The following GLIS3 variants were observed in gnomAD, a reference collection of about 807,000 sequenced individuals.
GLIS3 encodes GLIS family zinc finger 3, also known as zinc finger protein GLIS3.
A neutral mutation model predicts 78.6 loss-of-function variants in GLIS3; 53 were observed. The observed-to-expected ratio is 0.67, with a 90% CI of 0.54 to 0.85. GLIS3 has a LOEUF of 0.85. Ranked by LOEUF, GLIS3 falls within the 40% of genes least tolerant of loss-of-function variation. The probability of loss-of-function intolerance (pLI) is 0.00; values close to 1 mark genes in which losing one functional copy is unlikely to be tolerated. For missense variants in GLIS3, 1,703 were observed against 1,231.1 expected (o/e 1.38, Z -5.74); for synonymous variants, 684 against 509.9 (o/e 1.34, Z -4.60).
chr9:4,038,083 T>C (rs544232961), intron 4 of GLIS3, among the ~76,000 whole-genome samples: 82 of 152,334 alleles, frequency 5.4e-4, no homozygotes, highest in Non-Finnish European at 1.0e-3. Flanking sequence ...ATCTTTCCCC[T>C]CTTCCTGTTC....
chr9:4,223,647 G>A (rs1001796799), intron 2 of GLIS3, among the ~76,000 whole-genome samples: 6 of 152,210 alleles, frequency 3.9e-5, no homozygotes, highest in African/African-American at 9.7e-5. Context: ...TCCCATGAAT[G>A]TGAGCAAACA....
the GLIS3 span, among the ~76,000 whole-genome samples, chr9:4,448,700 G>A: frequency 6.6e-6 from 1 of 152,208 alleles, no homozygotes; most frequent in African/African-American, 2.4e-5. Flanking sequence ...GAAATTCTAA[G>A]AGCCTGTGTG....
At chr9:3,894,719 ATTTT>A (rs3061590) in intron 7 of GLIS3, among the ~76,000 whole-genome samples, 119 of 151,370 alleles carry the variant, frequency 7.9e-4, no homozygotes, top group South Asian at 3.5e-3. Context: ...CAAAACATCT[ATTTT>A]TTTTTTTTTC....
intron 2 of GLIS3, among the ~76,000 whole-genome samples, chr9:4,265,213 C>T (rs945761535): frequency 6.6e-6 from 1 of 151,214 alleles, no homozygotes; most frequent in African/African-American, 2.4e-5. Flanking sequence ...TTTGCCTTCA[C>T]AAGGTCTACA....
intron 2 of GLIS3, among the ~76,000 whole-genome samples, chr9:4,271,606 T>C (rs920694746): frequency 1.3e-5 from 2 of 152,222 alleles, no homozygotes; most frequent in African/African-American, 2.4e-5. Context: ...AATATCTGGC[T>C]GTACACCCTC....
chr9:3,840,196 G>C (rs1818628564), intron 9 of GLIS3, among the ~76,000 whole-genome samples: 1 of 152,298 alleles, frequency 6.6e-6, no homozygotes. Context: ...CATGAAATAA[G>C]CTTAGAAATA....
At chr9:3,927,046 C>G (rs1017779629) in intron 6 of GLIS3, among the ~76,000 whole-genome samples, 19 of 152,170 alleles carry the variant, frequency 1.2e-4, no homozygotes, top group Non-Finnish European at 1.5e-4. Flanking sequence ...TATCAGTTCC[C>G]TTATTGTTTC....
intron 4 of GLIS3, among the ~76,000 whole-genome samples, chr9:4,308,377 G>A (rs547401834): frequency 6.6e-6 from 1 of 152,194 alleles, no homozygotes; most frequent in South Asian, 2.1e-4. Context: ...AATGAAGGAG[G>A]AAGACAGGGT....
chr9:4,458,553 G>T, the GLIS3 span, among the ~76,000 whole-genome samples: 1 of 152,166 alleles, frequency 6.6e-6, no homozygotes, highest in African/African-American at 2.4e-5. Context: ...ACTTTGAGAG[G>T]CCAAGGCAGG....
intron 2 of GLIS3, among the ~76,000 whole-genome samples, chr9:4,264,303 A>G (rs191003168): frequency 6.6e-6 from 1 of 152,070 alleles, no homozygotes; most frequent in African/African-American, 2.4e-5. Context: ...ATCTAAACCC[A>G]CCACCACCAC....
chr9:3,924,565 C>A (rs477880), intron 6 of GLIS3, among the ~76,000 whole-genome samples: 98,606 of 152,102 alleles, frequency 0.65, 32,594 homozygotes, highest in East Asian at 0.91. Context: ...TGTGTGAAGT[C>A]ACCCTGAAAA....
At chr9:4,242,172 C>A (rs1395018546) in intron 2 of GLIS3, among the ~76,000 whole-genome samples, 5 of 152,082 alleles carry the variant, frequency 3.3e-5, no homozygotes, top group African/African-American at 4.8e-5. Context: ...CCTGATCCAA[C>A]CTGGACCCCA....
intron 2 of GLIS3, among the ~76,000 whole-genome samples, chr9:4,329,232 C>T (rs1183404913): frequency 6.6e-6 from 1 of 152,038 alleles, no homozygotes; most frequent in Non-Finnish European, 1.5e-5. Context: ...GAGTCCACGA[C>T]CCCCAGGCCT....
At chr9:3,861,263 T>G (rs1177743525) in intron 8 of GLIS3, among the ~76,000 whole-genome samples, 1 of 152,158 alleles carries the variant, frequency 6.6e-6, no homozygotes, top group East Asian at 1.9e-4. Flanking sequence ...TATTCAGATA[T>G]AAACACTAAG....
At chr9:4,165,482 G>C (rs1444258532) in intron 2 of GLIS3, among the ~76,000 whole-genome samples, 1 of 152,194 alleles carries the variant, frequency 6.6e-6, no homozygotes, top group South Asian at 2.1e-4. Flanking sequence ...CTTTTCCATG[G>C]GGGGAAAAAG....
intron 4 of GLIS3, among the ~76,000 whole-genome samples, chr9:4,038,056 T>C (rs1474458884): frequency 6.6e-6 from 1 of 152,182 alleles, no homozygotes; most frequent in East Asian, 1.9e-4. Flanking sequence ...AGTGGAACTT[T>C]AATGAGGGAG....
the GLIS3 span, among the ~76,000 whole-genome samples, chr9:4,358,248 G>A: frequency 1.3e-5 from 2 of 152,072 alleles, no homozygotes; most frequent in Non-Finnish European, 2.9e-5. Context: ...GAGTAACAAG[G>A]AATTCTGCTT....
intron 4 of GLIS3, among the ~76,000 whole-genome samples, chr9:4,085,460 C>T (rs1278295734): frequency 6.6e-6 from 1 of 152,126 alleles, no homozygotes; most frequent in East Asian, 1.9e-4. Context: ...CCACTGCCAC[C>T]CTCTCATTTT....
At chr9:4,447,138 C>G in the GLIS3 span, among the ~76,000 whole-genome samples, 1 of 152,042 alleles carries the variant, frequency 6.6e-6, no homozygotes, top group African/African-American at 2.4e-5. Context: ...GCATCAAACT[C>G]CTGGGCTCAA....
Sources: allele counts gnomAD v4.1 joint callset (sites outside exome capture counted in the v4.1 genomes callset), GRCh38; gene constraint gnomAD v4.1.1; transcripts MANE v1.5; gene names NCBI Gene and HGNC (gene_info 2026-07-23, HGNC 2026-07-21).